CLIC2: variants seen among roughly 807,000 people sequenced by gnomAD.
CLIC2 encodes the protein CLIC family member 2, also known as chloride intracellular channel protein 2.
CLIC2 carries 9 observed loss-of-function variants against 14.8 expected under a neutral mutation model. The ratio of observed to expected loss-of-function variants is 0.61; its 90% CI spans 0.37 to 1.06. The LOEUF (loss-of-function observed/expected upper bound fraction) is 1.06. Among genes scored for constraint, CLIC2 ranks in the 50% least tolerant of loss-of-function variants. CLIC2 has a pLI of 0.01. For missense variants in CLIC2, 148 were observed against 181.4 expected, an observed-to-expected ratio of 0.82 and a Z score of 1.06; for synonymous variants, 61 against 66.3, an observed-to-expected ratio of 0.92 and a Z score of 0.39.
At chrX:155,278,900 C>T (rs2074908321) in intron 5 of CLIC2, 2 of 332,628 alleles carry the variant, frequency 6.0e-6, no homozygotes, top group African/African-American at 2.7e-5. Context: ...TGCCACTGCA[C>T]TCCAACCTGG....
intron 1 of CLIC2, among the ~76,000 whole-genome samples, chrX:155,310,828 C>A (rs1425395222): frequency 8.9e-6 from 1 of 112,657 alleles, no homozygotes; most frequent in African/African-American, 3.2e-5. Flanking sequence ...AACCTCAATT[C>A]TTGACTTCTG....
chrX:155,314,225 T>C (rs1557320902), intron 1 of CLIC2, among the ~76,000 whole-genome samples: 4 of 110,438 alleles, frequency 3.6e-5, no homozygotes, highest in Non-Finnish European at 1.9e-5. Context: ...CCTAGACTAC[T>C]ACAACTGATG....
intron 3 of CLIC2, among the ~76,000 whole-genome samples, chrX:155,283,781 C>G (rs1433273442): frequency 9.0e-6 from 1 of 110,974 alleles, no homozygotes; most frequent in Non-Finnish European, 1.9e-5. Context: ...CTCCCAGTCC[C>G]CTGGTCTTGT....
chrX:155,302,473 T>C (rs1431639717), intron 1 of CLIC2, among the ~76,000 whole-genome samples: 8 of 106,382 alleles, frequency 7.5e-5, no homozygotes, highest in South Asian at 8.5e-4. Flanking sequence ...TCTCTCTTTT[T>C]TTCTTTATTA....
chrX:155,320,646 G>A (rs1380639121), intron 1 of CLIC2, among the ~76,000 whole-genome samples: 2 of 111,777 alleles, frequency 1.8e-5, no homozygotes, highest in Non-Finnish European at 3.8e-5. Context: ...AAACCAGAAT[G>A]CCTCTTCTCC....
rs1393802293 is a variant in CLIC2 at position 155,297,884 on chromosome X, A to AG, written c.293+900_293+901insC. On this transcript the variant is annotated intron_variant, in intron 3 of 5. Transcript: ENST00000369449. ...TCAAAAAAAAAAAAAAAAAAAAAAAAAAGAAGGTGAACCATCAGAGAGACA... is the reference window on the plus strand; with the variant it reads ...TCAAAAAAAAAAAAAAAAAAAAAAAAGAAGAAGGTGAACCATCAGAGAGACA... Among the ~76,000 whole-genome samples the AG allele has an allele frequency of 3.5e-4, 16 of 45,228 alleles. 3 individuals are homozygous for AG. The highest frequency in any genetic ancestry group is 4.8e-4 in the Non-Finnish European group (10 of 20,619). The allele number at this position is 45,228 out of a possible 115,157, so 39.3% of individuals were successfully genotyped here. A position where few individuals can be genotyped will look rare whatever the true frequency, so the allele number is the denominator to read the frequency against.
At chrX:155,305,440 C>G (rs1028271297) in intron 1 of CLIC2, among the ~76,000 whole-genome samples, 7 of 112,419 alleles carry the variant, frequency 6.2e-5, no homozygotes, top group Non-Finnish European at 1.1e-4. Context: ...GGCTCGCGCA[C>G]GGTGCACGCA....
At chrX:155,318,423 G>A (rs183122597) in intron 1 of CLIC2, among the ~76,000 whole-genome samples, 3 of 111,640 alleles carry the variant, frequency 2.7e-5, no homozygotes, top group Non-Finnish European at 5.6e-5. Flanking sequence ...TGACCAAGCT[G>A]AGAATAAAAT....
chrX:155,293,018 T>C, intron 3 of CLIC2: 1 of 719,911 alleles, frequency 1.4e-6, no homozygotes, highest in Non-Finnish European at 2.2e-6. Context: ...CTGTGGTATC[T>C]GCCATTAAAC....
At chrX:155,305,155 A>T (rs1467685882) in intron 1 of CLIC2, among the ~76,000 whole-genome samples, 27 of 112,113 alleles carry the variant, frequency 2.4e-4, no homozygotes, top group African/African-American at 8.4e-4. Context: ...AAGCCTGGGC[A>T]ATGGCGGGCG....
At chrX:155,298,429 G>A (rs2075002192) in intron 3 of CLIC2, among the ~76,000 whole-genome samples, 1 of 111,250 alleles carries the variant, frequency 9.0e-6, no homozygotes, top group South Asian at 3.8e-4. Context: ...GGTATGTTCT[G>A]TCATTTCGTC....
intron 4 of CLIC2, 72 bp downstream of exon 4, chrX:155,279,889 GA>G: frequency 8.1e-6 from 6 of 739,609 alleles, no homozygotes; most frequent in Non-Finnish European, 1.3e-5. Flanking sequence ...ATATATTCAG[GA>G]AAATTCTATT....
At chrX:155,334,289 G>T in intron 1 of CLIC2, 82 bp downstream of exon 1, 1 of 774,514 alleles carries the variant, frequency 1.3e-6, no homozygotes, top group African/African-American at 2.0e-5. Flanking sequence ...TAGCCCAAAT[G>T]TGGAGAATTT....
intron 3 of CLIC2, among the ~76,000 whole-genome samples, chrX:155,280,520 T>TAA (rs2074915098): frequency 9.1e-6 from 1 of 110,450 alleles, no homozygotes; most frequent in African/African-American, 3.3e-5. Flanking sequence ...TGGTGAAACC[T>TAA]TGTCTCTACT....
chrX:155,331,156 T>C (rs1602965833), intron 1 of CLIC2, among the ~76,000 whole-genome samples: 1 of 110,557 alleles, frequency 9.0e-6, no homozygotes, highest in African/African-American at 3.3e-5. Flanking sequence ...AAACTAGGTT[T>C]AGTGAGTGGA....
At chrX:155,278,102 C>T (rs782261097) in intron 5 of CLIC2, 38 bp from the exon 6 acceptor site, 16 of 1,082,292 alleles carry the variant, frequency 1.5e-5, no homozygotes, top group Non-Finnish European at 2.0e-5. Flanking sequence ...AAGAAGGCAT[C>T]AGTAATATGC....
At chrX:155,279,838 A>C (rs1037895727) in intron 4 of CLIC2, 124 bp downstream of exon 4, 43 of 496,709 alleles carry the variant, frequency 8.7e-5, no homozygotes, top group Non-Finnish European at 1.5e-4. Flanking sequence ...AGGAGAGTAT[A>C]GAGAATGAGG....
At chrX:155,305,076 G>T (rs1369114536) in intron 1 of CLIC2, among the ~76,000 whole-genome samples, 1 of 112,378 alleles carries the variant, frequency 8.9e-6, no homozygotes, top group Non-Finnish European at 1.9e-5. Context: ...TACAGAGGCA[G>T]GCAGACCTCT....
At chrX:155,322,610 T>C (rs2075120110) in intron 1 of CLIC2, among the ~76,000 whole-genome samples, 1 of 111,694 alleles carries the variant, frequency 9.0e-6, no homozygotes, top group South Asian at 3.7e-4. Flanking sequence ...GGGAAAGATT[T>C]AAAATCAACA....
Sources: gnomAD v4.1 joint callset for allele counts (sites outside exome capture counted in the v4.1 genomes callset) on GRCh38, gnomAD v4.1.1 for gene constraint, MANE v1.5 for transcripts, NCBI Gene and HGNC (gene_info 2026-07-23, HGNC 2026-07-21) for gene names.